Variants in CPSF4L observed in about 807,000 individuals in gnomAD.
CPSF4L encodes the protein putative cleavage and polyadenylation specificity factor subunit 4-like protein.
In CPSF4L, 18 loss-of-function variants were observed where a neutral mutation model predicts 24.0. The ratio of observed to expected loss-of-function variants is 0.75; its 90% confidence interval spans 0.52 to 1.11. The LOEUF is 1.11. Among genes scored for constraint, CPSF4L ranks in the 50% least tolerant of loss-of-function variants. The pLI is 0.00. For missense variants in CPSF4L, 211 were observed against 221.8 expected (o/e 0.95, Z 0.31); for synonymous variants, 72 against 77.2 (o/e 0.93, Z 0.35).
intron 5 of CPSF4L, chr17:73,249,648 C>G (rs759948656): frequency 6.6e-6 from 1 of 152,216 alleles, no homozygotes. Flanking sequence ...GCCACTACCC[C>G]CCCTTTCCCA....
intron 3 of CPSF4L, among the ~76,000 whole-genome samples, chr17:73,256,204 A>T (rs1409527903): frequency 6.6e-6 from 1 of 152,140 alleles, no homozygotes; most frequent in Non-Finnish European, 1.5e-5. Context: ...GGGAATAACT[A>T]AGTAGGTGGC....
chr17:73,244,171 T>C (rs1012763235), downstream of CPSF4L, among the ~76,000 whole-genome samples: 4 of 152,254 alleles, frequency 2.6e-5, no homozygotes, highest in African/African-American at 9.6e-5. Context: ...TATTGTATTA[T>C]TAAAAAAATC....
Position 73,260,932 on chromosome 17 carries a change from C to T in CPSF4L, c.154+1G>A, listed in dbSNP as rs1262683282. On this transcript the variant is annotated splice_donor_variant, in intron 2 of 5. Coordinates refer to ENST00000344935, the MANE Select transcript of CPSF4L (RefSeq NM_001129885.1). LOFTEE classifies it high-confidence loss of function. The stretch of plus-strand genomic sequence containing the variant: ...GGGCCCAGGCCTGTCTGCTAACTCA[C>T]CTTTCTCACAGAGCCCTTTAGTGAA... The T allele has an allele frequency of 6.4e-7, 1 of 1,550,724 alleles. No individual in the cohort carries two copies. The highest frequency in any genetic ancestry group is 2.4e-5 in the East Asian group (1 of 40,898).
intron 2 of CPSF4L, 118 bp downstream of exon 2, chr17:73,260,815 C>T (rs1004987721): frequency 7.9e-6 from 5 of 631,020 alleles, no homozygotes; most frequent in African/African-American, 1.9e-5. Flanking sequence ...TCCCAATTTT[C>T]CCTCCCCAGG....
At chr17:73,247,325 A>C, downstream of CPSF4L, 2 of 1,614,170 alleles carry the variant, frequency 1.2e-6, no homozygotes, top group Non-Finnish European at 1.7e-6. Flanking sequence ...TGCCGCTCTA[A>C]AACATGTTTG....
downstream of CPSF4L, chr17:73,245,632 A>G: frequency 1.0e-6 from 1 of 985,426 alleles, no homozygotes; most frequent in Non-Finnish European, 1.2e-6. Context: ...ATAAGCCCAC[A>G]TCAGGCCCTT....
At chr17:73,242,272 T>C in the CPSF4L span, 1 of 1,603,416 alleles carries the variant, frequency 6.2e-7, no homozygotes, top group Admixed American at 1.8e-5. Flanking sequence ...GCTCAACTCA[T>C]ATAAGGAGTT....
At chr17:73,246,149 A>C (rs938099280), downstream of CPSF4L, among the ~76,000 whole-genome samples, 3 of 152,134 alleles carry the variant, frequency 2.0e-5, no homozygotes, top group Non-Finnish European at 4.4e-5. Context: ...GTTATATATC[A>C]CACGCACACA....
At chr17:73,258,689 C>T (rs2062033080) in intron 2 of CPSF4L, among the ~76,000 whole-genome samples, 1 of 152,136 alleles carries the variant, frequency 6.6e-6, no homozygotes, top group South Asian at 2.1e-4. Flanking sequence ...TGCCCTTCTC[C>T]AGGGAAGTAC....
downstream of CPSF4L, among the ~76,000 whole-genome samples, chr17:73,244,288 C>T (rs1263925233): frequency 2.0e-5 from 3 of 151,936 alleles, no homozygotes; most frequent in African/African-American, 4.8e-5. Context: ...TGGGGCCGGG[C>T]GCGGTGGCTC....
chr17:73,256,673 T>C (rs1360641918), intron 3 of CPSF4L, among the ~76,000 whole-genome samples: 1 of 152,206 alleles, frequency 6.6e-6, no homozygotes, highest in Non-Finnish European at 1.5e-5. Flanking sequence ...ATTTACAAAT[T>C]CCTTTCTTAA....
intron 3 of CPSF4L, 74 bp from the exon 4 acceptor site, chr17:73,254,100 C>T: frequency 1.7e-6 from 2 of 1,181,116 alleles, no homozygotes; most frequent in Non-Finnish European, 2.5e-6. Context: ...CCAGATTGAC[C>T]TTGCCCCTCA....
At chr17:73,252,483 G>C (rs2062009531) in intron 5 of CPSF4L, 147 bp downstream of exon 5, 1 of 655,686 alleles carries the variant, frequency 1.5e-6, no homozygotes, top group African/African-American at 1.8e-5. Flanking sequence ...GCCAGGGTCA[G>C]GCAGTGGTGC....
intron 2 of CPSF4L, among the ~76,000 whole-genome samples, chr17:73,258,043 T>C (rs1295294643): frequency 2.0e-5 from 3 of 150,680 alleles, no homozygotes; most frequent in African/African-American, 4.9e-5. Context: ...AGAATCTCGC[T>C]CTGTCGCCCA....
intron 1 of CPSF4L, among the ~76,000 whole-genome samples, chr17:73,261,344 G>C (rs1387905717): frequency 6.6e-6 from 1 of 152,252 alleles, no homozygotes; most frequent in Admixed American, 6.5e-5. Context: ...TCAGGGAGTT[G>C]AGCAGAGAGG....
At chr17:73,254,846 G>A (rs948966456) in intron 3 of CPSF4L, among the ~76,000 whole-genome samples, 1 of 152,134 alleles carries the variant, frequency 6.6e-6, no homozygotes, top group African/African-American at 2.4e-5. Context: ...GTTTCACCAT[G>A]TTGGCCAGGC....
At chr17:73,253,892 C>T (rs1220872155) in intron 4 of CPSF4L, 39 bp downstream of exon 4, 3 of 1,429,468 alleles carry the variant, frequency 2.1e-6, no homozygotes, top group Non-Finnish European at 2.9e-6. Flanking sequence ...CACCCTGATC[C>T]CCACAGCCCC....
rs202014199 is a variant in CPSF4L at position 73,250,901 on chromosome 17, CTCCCTG to C, written c.497+1723_497+1728del. On this transcript the variant is annotated intron_variant, in intron 5 of 5. Transcript: ENST00000344935. ...CTGCAGAAAAGGAGTCATTCTCCAG[CTCCCTG>C]ATCATTCCTTGCCCTCCCAGCTCTC... The C allele has an allele frequency of 5.3e-3, 6,404 of 1,205,344 alleles. 40 individuals are homozygous for C. The highest frequency in any genetic ancestry group is 0.011 in the Admixed American group (376 of 34,650). The allele number at this position is 1,205,344 out of a possible 1,614,324, so 74.7% of individuals were successfully genotyped here.
chr17:73,259,367 T>A (rs974448514), intron 2 of CPSF4L, among the ~76,000 whole-genome samples: 4 of 150,986 alleles, frequency 2.6e-5, no homozygotes, highest in East Asian at 1.9e-4. Flanking sequence ...AAAAAAAAAA[T>A]TATGTTTTGT....
Sources: gnomAD v4.1 joint callset for allele counts (sites outside exome capture counted in the v4.1 genomes callset) on GRCh38, gnomAD v4.1.1 for gene constraint, MANE v1.5 for transcripts, NCBI Gene and HGNC (gene_info 2026-07-23, HGNC 2026-07-21) for gene names.